OR2F1: variants seen among roughly 807,000 people sequenced by gnomAD.
OR2F1 encodes the protein olfactory receptor family 2 subfamily F member 1, also known as olfactory receptor 2F1.
For missense variants in OR2F1, 389 were observed against 378.2 expected (o/e 1.03, Z -0.24); for synonymous variants, 146 against 155.3 (o/e 0.94, Z 0.44).
intron 2 of OR2F1, 74 bp from the exon 3 acceptor site, chr7:143,959,874 G>C (rs2050310734): frequency 1.0e-6 from 1 of 996,324 alleles, no homozygotes; most frequent in African/African-American, 1.6e-5. Context: ...TGGCTGGCAT[G>C]TACAGAATGC....
In OR2F1 at chr7:143,960,804, T is replaced by C. The variant is rs757683673; in HGVS notation, c.834T>C (p.Tyr278=). The C allele has an allele frequency of 1.9e-6, 3 of 1,614,190 alleles. No individual in the cohort carries two copies. Among genetic ancestry groups the C allele is most frequent in the Non-Finnish European group, 2.5e-6 (3 of 1,180,030 alleles). ...AGGAGAAGTTGTTCTCTGTCTTTTA[T>C]GCCATTTTAACACCAATGCTGAACC... ...VLQEKLFSVF[Y]AILTPMLNPM... Residue 278 remains tyrosine, a synonymous_variant, in exon 3 of 3, where the codon TAT becomes TAC. Transcript: ENST00000641412.
rs750702926 is a variant in OR2F1 at position 143,960,078 on chromosome 7, G to C, written c.108G>C (p.Val36=). 2 of 1,613,936 alleles carry C rather than the reference G, an allele frequency of 1.2e-6. No homozygotes were observed. Among genetic ancestry groups the C allele is most frequent in the Non-Finnish European group, 1.7e-6 (2 of 1,179,996 alleles). The change falls in exon 3 of 3, where the codon GTG becomes GTC. Residue 36 remains valine (V), a synonymous_variant. Coordinates refer to ENST00000641412, the MANE Select transcript of OR2F1 (RefSeq NM_012369.3). The part of the protein sequence containing the change: ...SLFVLFLVMY[V]VTVLGNCLIV... Reference sequence around the variant, plus strand: ...TTGTCCTGTTCTTGGTCATGTATGTGGTGACCGTGCTGGGGAACTGTCTCA... The same window carrying C: ...TTGTCCTGTTCTTGGTCATGTATGTCGTGACCGTGCTGGGGAACTGTCTCA...
At position 143,959,007 on chromosome 7, in the gene OR2F1, G is replaced by A. The variant is rs151031448; in HGVS notation, c.-125G>A. 38 of 151,118 alleles carry A rather than the reference G, an allele frequency of 2.5e-4. No individual in the cohort carries two copies. Among genetic ancestry groups the A allele is most frequent in the African/African-American group, 8.7e-4 (36 of 41,242 alleles). The allele number at this position is 151,118 out of a possible 1,614,324, so 9.4% of individuals were successfully genotyped here. A position where few individuals can be genotyped will look rare whatever the true frequency, so the allele number is the denominator to read the frequency against. ...CAAAAAAAAAAAAAAGAGAGAGACC[G>A]AAGTACAATTACAATCCCATCCCAC... On this transcript the variant is annotated 5_prime_UTR_variant, in exon 2 of 3. Transcript: ENST00000641412.
At position 143,960,645 on chromosome 7, in the gene OR2F1, C is replaced by T. The variant is rs1160336390; in HGVS notation, c.675C>T (p.Ile225=). 2 of 1,614,118 alleles carry T rather than the reference C, an allele frequency of 1.2e-6. No homozygotes were observed. Among genetic ancestry groups the T allele is most frequent in the Non-Finnish European group, 1.7e-6 (2 of 1,180,024 alleles). ...LLSYIQIIST[I]LKIQSREGRK... ...CCTACATCCAGATCATCTCCACCAT[C>T]CTAAAGATCCAGTCCAGAGAAGGAA... The change falls in exon 3 of 3, where the codon ATC becomes ATT. Residue 225 remains isoleucine (I), a synonymous_variant. Transcript: ENST00000641412.
chr7:143,956,809 A>G (rs1194066454), intron 1 of OR2F1, among the ~76,000 whole-genome samples: 2 of 152,108 alleles, frequency 1.3e-5, no homozygotes, highest in Non-Finnish European at 2.9e-5. Context: ...ACTCTAGCAG[A>G]TGGGAATAAA....
intron 2 of OR2F1, among the ~76,000 whole-genome samples, chr7:143,959,497 C>T (rs2116936556): frequency 6.6e-6 from 1 of 152,298 alleles, no homozygotes; most frequent in East Asian, 1.9e-4. Context: ...GATTTTTCCT[C>T]CAGGCCTTGC....
Position 143,960,294 on chromosome 7 carries a change from T to A in OR2F1, c.324T>A (p.Gly108=). The A allele has an allele frequency of 6.2e-7, 1 of 1,614,130 alleles. No individual in the cohort carries two copies. Among genetic ancestry groups the A allele is most frequent in the African/African-American group, 1.3e-5 (1 of 75,018 alleles). ...AGTTATTTTTCTCCCTGGCCTTGGG[T>A]GGGATTGAGTTTGTTCTCCTGGCGG... is the stretch of plus-strand genomic sequence containing the variant. The part of the protein sequence containing the change: ...AAQLFFSLAL[G]GIEFVLLAVM... The change falls in exon 3 of 3, where the codon GGT becomes GGA. Residue 108 remains glycine, a synonymous_variant. Coordinates refer to ENST00000641412, the MANE Select transcript of OR2F1 (RefSeq NM_012369.3).
Position 143,960,103 on chromosome 7 carries a change from A to G in OR2F1, c.133A>G (p.Ile45Val). The G allele has an allele frequency of 6.2e-7, 1 of 1,614,032 alleles. No individual in the cohort carries two copies. Among genetic ancestry groups the G allele is most frequent in the Non-Finnish European group, 8.5e-7 (1 of 1,180,022 alleles). The change falls in exon 3 of 3, where the codon ATT becomes GTT. Residue 45 changes from isoleucine (I) to valine (V), a missense_variant. Coordinates refer to ENST00000641412, the MANE Select transcript of OR2F1 (RefSeq NM_012369.3). The part of the protein sequence containing the change: ...YVVTVLGNCL[I>V]VLLIRLDSRL... ...GGTGACCGTGCTGGGGAACTGTCTC[A>G]TTGTCCTTCTGATCAGACTGGACAG...
In OR2F1 at chr7:143,961,353, T is replaced by C; in HGVS notation, c.*429T>C. Reference sequence around the variant, plus strand: ...CATTTTTACATTTGAAGACTCACTTTAAATAATTTGTAGTGTATGTCATCA... The same window carrying C: ...CATTTTTACATTTGAAGACTCACTTCAAATAATTTGTAGTGTATGTCATCA... On this transcript the variant is annotated 3_prime_UTR_variant, in exon 3 of 3. Coordinates refer to ENST00000641412, the MANE Select transcript of OR2F1 (RefSeq NM_012369.3). The C allele has an allele frequency of 6.0e-6, 1 of 166,660 alleles. No individual in the cohort carries two copies. The highest frequency in any genetic ancestry group is 1.5e-4 in the South Asian group (1 of 6,676). The allele number at this position is 166,660 out of a possible 1,614,324, so 10.3% of individuals were successfully genotyped here.
Position 143,963,412 on chromosome 7 carries a change from G to A in OR2F1, c.*2488G>A, listed in dbSNP as rs2050344929. 6.6e-6 allele frequency: 1 copy of A among 152,158 alleles called. No homozygotes were observed. Among genetic ancestry groups the A allele is most frequent in the Non-Finnish European group, 1.5e-5 (1 of 68,042 alleles). 9.4% of individuals were successfully genotyped at this position (152,158 alleles called of 1,614,324 possible). A position where few individuals can be genotyped will look rare whatever the true frequency, so the allele number is the denominator to read the frequency against. ...CTCAGGAAGCAGAAATGCTGAGAGT[G>A]GGCATTAGGTATGTAGAAATAGACT... On this transcript the variant is annotated 3_prime_UTR_variant, in exon 3 of 3. Transcript: ENST00000641412.
rs1735644308 is a variant in OR2F1 at position 143,954,955 on chromosome 7, G to T, written c.-328G>T. Reference sequence around the variant, plus strand: ...TTAGAGTTTTTTTGTTATGTAAAATGAACTGTGTGAGGAATCTAAACACTT... The same window carrying T: ...TTAGAGTTTTTTTGTTATGTAAAATTAACTGTGTGAGGAATCTAAACACTT... On this transcript the variant is annotated 5_prime_UTR_variant, in exon 1 of 3. The change abolishes an upstream ATG in the 5' untranslated region. Coordinates refer to ENST00000641412, the MANE Select transcript of OR2F1 (RefSeq NM_012369.3). The T allele has an allele frequency of 6.6e-6, 1 of 152,094 alleles. No homozygotes were observed. The highest frequency in any genetic ancestry group is 2.4e-5 in the African/African-American group (1 of 41,420). 9.4% of individuals were successfully genotyped at this position (152,094 alleles called of 1,614,324 possible).
At position 143,960,335 on chromosome 7, in the gene OR2F1, G is replaced by A. The variant is rs143460700; in HGVS notation, c.365G>A (p.Arg122His). 1,296 of 1,614,126 alleles carry A rather than the reference G, an allele frequency of 8.0e-4. 1 individual carries two copies. Among genetic ancestry groups the A allele is most frequent in the Non-Finnish European group, 1.0e-3 (1,229 of 1,180,024 alleles). The change falls in exon 3 of 3, where the codon CGC becomes CAC. Residue 122 changes from arginine to histidine, a missense_variant. Coordinates refer to ENST00000641412, the MANE Select transcript of OR2F1 (RefSeq NM_012369.3). ...CTCCTGGCGGTGATGGCCTATGACC[G>A]CTATGTGGCTGTGTGTGATGCCCTG... Reference protein sequence around the residue: ...FVLLAVMAYDRYVAVCDALRY... With the variant: ...FVLLAVMAYDHYVAVCDALRY...
chr7:143,960,805 G>A lies in OR2F1; in HGVS notation c.835G>A (p.Ala279Thr), dbSNP rs1562997163. 1 of 1,614,112 alleles carries A rather than the reference G, an allele frequency of 6.2e-7. No individual in the cohort carries two copies. The highest frequency in any genetic ancestry group is 2.2e-5 in the East Asian group (1 of 44,872). The change falls in exon 3 of 3, where the codon GCC (alanine) becomes ACC (threonine). Residue 279 changes from alanine to threonine, a missense_variant. Transcript: ENST00000641412. ...LQEKLFSVFY[A>T]ILTPMLNPMI... is the part of the protein sequence containing the mutation. Reference sequence around the variant, plus strand: ...GGAGAAGTTGTTCTCTGTCTTTTATGCCATTTTAACACCAATGCTGAACCC... The same window carrying A: ...GGAGAAGTTGTTCTCTGTCTTTTATACCATTTTAACACCAATGCTGAACCC...
rs2050305651 is a variant in OR2F1 at position 143,959,049 on chromosome 7, A to G, written c.-83A>G. Reference sequence around the variant, plus strand: ...CCATCCCACAAAAAGGTCAAGGGCTACCTGAAAGACCGGTGGCCCCAGGAT... The same window carrying G: ...CCATCCCACAAAAAGGTCAAGGGCTGCCTGAAAGACCGGTGGCCCCAGGAT... On this transcript the variant is annotated 5_prime_UTR_variant, in exon 2 of 3. Coordinates refer to ENST00000641412, the MANE Select transcript of OR2F1 (RefSeq NM_012369.3). 1 of 125,012 alleles carries G rather than the reference A, an allele frequency of 8.0e-6. No individual in the cohort carries two copies. The highest frequency in any genetic ancestry group is 1.6e-5 in the Non-Finnish European group (1 of 61,698). 7.7% of individuals were successfully genotyped at this position (125,012 alleles called of 1,614,324 possible).
At chr7:143,955,922 C>G (rs924863878) in intron 1 of OR2F1, among the ~76,000 whole-genome samples, 2 of 152,110 alleles carry the variant, frequency 1.3e-5, no homozygotes, top group African/African-American at 4.8e-5. Context: ...GTGAAGAGCA[C>G]AAAAGTCACA....
chr7:143,961,547 G>T lies in OR2F1; in HGVS notation c.*623G>T, dbSNP rs2050330476. 6.6e-6 allele frequency: 1 copy of T among 152,630 alleles called. No individual in the cohort carries two copies. Among genetic ancestry groups the T allele is most frequent in the Non-Finnish European group, 1.5e-5 (1 of 68,384 alleles). 9.5% of individuals were successfully genotyped at this position (152,630 alleles called of 1,614,324 possible). A position where few individuals can be genotyped will look rare whatever the true frequency, so the allele number is the denominator to read the frequency against. On this transcript the variant is annotated 3_prime_UTR_variant, in exon 3 of 3. Coordinates refer to ENST00000641412, the MANE Select transcript of OR2F1 (RefSeq NM_012369.3). The stretch of plus-strand genomic sequence containing the variant: ...CAAGGTCTTGTTTCACCTCGATAGG[G>T]TGACAGTCAATGGTTGTTTGTACTG...
chr7:143,955,331 TA>T (rs1457825848), intron 1 of OR2F1, among the ~76,000 whole-genome samples: 1 of 152,152 alleles, frequency 6.6e-6, no homozygotes, highest in Non-Finnish European at 1.5e-5. Context: ...TATTTACATC[TA>T]AAACTCCAGC....
intron 1 of OR2F1, among the ~76,000 whole-genome samples, chr7:143,955,778 G>GA (rs1296506020): frequency 5.3e-5 from 8 of 152,104 alleles, no homozygotes; most frequent in Non-Finnish European, 5.9e-5. Context: ...AACACATATA[G>GA]AAAAAATTGA....
rs201921554 is a variant in OR2F1 at position 143,960,618 on chromosome 7, G to T, written c.648G>T (p.Leu216Phe). The part of the protein sequence containing the change: ...LLMTPFCLVL[L>F]SYIQIISTIL... Reference sequence around the variant, plus strand: ...TGACACCCTTCTGCCTGGTTCTTTTGTCCTACATCCAGATCATCTCCACCA... The same window carrying T: ...TGACACCCTTCTGCCTGGTTCTTTTTTCCTACATCCAGATCATCTCCACCA... The change falls in exon 3 of 3, where the codon TTG becomes TTT. Residue 216 changes from leucine (L) to phenylalanine (F), a missense_variant. Leu to Phe is a conservative substitution (Grantham distance 22). Transcript: ENST00000641412. The T allele has an allele frequency of 1.2e-6, 2 of 1,614,084 alleles. No homozygotes were observed. The highest frequency in any genetic ancestry group is 1.7e-6 in the Non-Finnish European group (2 of 1,180,020).
Sources: allele counts gnomAD v4.1 joint callset (sites outside exome capture counted in the v4.1 genomes callset), GRCh38; gene constraint gnomAD v4.1.1; transcripts MANE v1.5; gene names NCBI Gene and HGNC (gene_info 2026-07-23, HGNC 2026-07-21).